Variants in TNNI3K observed in about 807,000 individuals in gnomAD.
TNNI3K encodes the protein TNNI3 interacting kinase.
TNNI3K carries 140 observed loss-of-function variants against 114.5 expected under a neutral mutation model. That is an observed-to-expected ratio of 1.22 (90% confidence interval 1.07 to 1.41). The LOEUF is 1.41. Ranked by LOEUF, TNNI3K falls within the 40% of genes most tolerant of loss-of-function variation. The pLI, the probability that TNNI3K is intolerant of heterozygous loss-of-function variation, is 0.00. For missense variants in TNNI3K, 1,125 were observed against 1,007.6 expected (o/e 1.12, Z -1.58); for synonymous variants, 347 against 347.5 (o/e 1.00, Z 0.02).
intron 20 of TNNI3K, among the ~76,000 whole-genome samples, chr1:74,460,255 G>GT (rs1667399542): frequency 6.6e-6 from 1 of 151,994 alleles, no homozygotes; most frequent in African/African-American, 2.4e-5. Flanking sequence ...TTTTAGTAGA[G>GT]ATGCGGTTTC....
At chr1:74,450,415 C>G (rs1666935464) in intron 20 of TNNI3K, among the ~76,000 whole-genome samples, 1 of 152,030 alleles carries the variant, frequency 6.6e-6, no homozygotes, top group Non-Finnish European at 1.5e-5. Context: ...CAGAGCAGAA[C>G]TAAACTAAAG....
chr1:74,352,966 C>T (rs183393011), intron 9 of TNNI3K, among the ~76,000 whole-genome samples: 104 of 152,262 alleles, frequency 6.8e-4, no homozygotes, highest in African/African-American at 1.8e-3. Context: ...GTGCGCTTCA[C>T]CCACTGTCCC....
At chr1:74,481,217 G>A (rs142513190) in intron 21 of TNNI3K, among the ~76,000 whole-genome samples, 6 of 152,274 alleles carry the variant, frequency 3.9e-5, no homozygotes, top group African/African-American at 1.4e-4. Flanking sequence ...AAACCCATCT[G>A]TTACTTTAGA....
At chr1:74,421,973 T>C (rs1218619554) in intron 17 of TNNI3K, among the ~76,000 whole-genome samples, 1 of 148,350 alleles carries the variant, frequency 6.7e-6, no homozygotes, top group East Asian at 2.0e-4. Context: ...TTATTATTAT[T>C]ATTATTATTA....
intron 21 of TNNI3K, among the ~76,000 whole-genome samples, chr1:74,465,263 T>C (rs1166840761): frequency 3.3e-5 from 5 of 152,132 alleles, no homozygotes; most frequent in African/African-American, 9.7e-5. Context: ...TCCCTCAGCT[T>C]GCGGGGAGGT....
At chr1:74,541,238 A>G (rs1214153751) in intron 24 of TNNI3K, among the ~76,000 whole-genome samples, 1 of 152,186 alleles carries the variant, frequency 6.6e-6, no homozygotes, top group Non-Finnish European at 1.5e-5. Flanking sequence ...ATCCTCACCA[A>G]TTCACCTCAT....
intron 23 of TNNI3K, among the ~76,000 whole-genome samples, chr1:74,530,460 A>T (rs1184606412): frequency 6.6e-6 from 1 of 152,204 alleles, no homozygotes. Flanking sequence ...TAAAGTATCG[A>T]GTAGAGTCCC....
intron 2 of TNNI3K, among the ~76,000 whole-genome samples, chr1:74,247,976 G>A (rs1262868995): frequency 6.6e-6 from 1 of 151,750 alleles, no homozygotes; most frequent in Non-Finnish European, 1.5e-5. Flanking sequence ...GGTGGCTCAG[G>A]TTGCCTGGGA....
intron 17 of TNNI3K, among the ~76,000 whole-genome samples, chr1:74,386,343 AT>A (rs1370365376): frequency 1.3e-5 from 2 of 152,178 alleles, no homozygotes; most frequent in Non-Finnish European, 2.9e-5. Flanking sequence ...AAAAAAAAAA[AT>A]ACCCTAAAAT....
chr1:74,390,507 T>C (rs1407070218), intron 17 of TNNI3K, among the ~76,000 whole-genome samples: 2 of 152,198 alleles, frequency 1.3e-5, no homozygotes, highest in Non-Finnish European at 2.9e-5. Flanking sequence ...CACAGTGCTT[T>C]GAGCAGTAGT....
chr1:74,256,283 C>CTTT (rs61636791), intron 4 of TNNI3K, among the ~76,000 whole-genome samples: 16 of 42,794 alleles, frequency 3.7e-4, no homozygotes, highest in African/African-American at 4.6e-4. Context: ...TGTGGTCAGT[C>CTTT]TTTTTTTTTT....
intron 9 of TNNI3K, among the ~76,000 whole-genome samples, chr1:74,349,574 G>T (rs1247725728): frequency 6.6e-6 from 1 of 152,168 alleles, no homozygotes; most frequent in African/African-American, 2.4e-5. Context: ...ACCTCTGGTA[G>T]AATTCGGCTG....
At position 74,340,482 on chromosome 1, in the gene TNNI3K, T is replaced by G. The variant is rs548989462; in HGVS notation, c.683-2360T>G. On this transcript the variant is annotated intron_variant, in intron 7 of 24. Transcript: ENST00000326637. Reference sequence around the variant, plus strand: ...ACAATGACTGAGGCAAAAACAGACATGTATACGCATAAATTCTATGTCTGA... The same window carrying G: ...ACAATGACTGAGGCAAAAACAGACAGGTATACGCATAAATTCTATGTCTGA... Among the ~76,000 whole-genome samples the G allele has an allele frequency of 2.0e-4, 31 of 152,228 alleles. No individual in the cohort carries two copies. The South Asian group carries it at 6.4e-3, about 32-fold the overall frequency.
intron 5 of TNNI3K, among the ~76,000 whole-genome samples, chr1:74,282,855 TCTGTAGGAG>T (rs958901829): frequency 6.6e-6 from 1 of 152,218 alleles, no homozygotes; most frequent in Non-Finnish European, 1.5e-5. Context: ...AAGTCCTGTT[TCTGTAGGAG>T]ACCACCAATA....
At position 74,353,254 on chromosome 1, in the gene TNNI3K, T is replaced by C. The variant is rs201780230; in HGVS notation, c.933-12T>C. 209 of 1,604,496 alleles carry C rather than the reference T, an allele frequency of 1.3e-4. No homozygotes were observed. Among genetic ancestry groups the C allele is most frequent in the Non-Finnish European group, 1.7e-4 (196 of 1,177,268 alleles). On this transcript the variant is annotated splice_polypyrimidine_tract_variant and intron_variant, in intron 9 of 24. Transcript: ENST00000326637. ...CCTTCTATCTTTCTTGTTTTATGGT[T>C]TTTTTTTTCAGTGCTTGTACCTATG...
Position 74,391,958 on chromosome 1 carries a change from T to TTA in TNNI3K, c.1772+21567_1772+21568insAT, listed in dbSNP as rs1491185623. On this transcript the variant is annotated intron_variant, in intron 17 of 24. Transcript: ENST00000326637. Reference sequence around the variant, plus strand: ...TGATTTAGGATGGTACAGCTTATTATTTTTTTTTTTTTTTTTTTTTTTTTT... The same window carrying TTA: ...TGATTTAGGATGGTACAGCTTATTATTATTTTTTTTTTTTTTTTTTTTTTTTT... Among the ~76,000 whole-genome samples the TTA allele has an allele frequency of 1.6e-3, 90 of 56,236 alleles. 4 individuals are homozygous for TTA. Among genetic ancestry groups the TTA allele is most frequent in the African/African-American group, 9.1e-3 (75 of 8,202 alleles). 36.9% of individuals were successfully genotyped at this position (56,236 alleles called of 152,430 possible).
intron 20 of TNNI3K, among the ~76,000 whole-genome samples, chr1:74,449,900 C>T (rs1413553191): frequency 1.3e-3 from 170 of 126,476 alleles, no homozygotes; most frequent in African/African-American, 5.0e-3. Flanking sequence ...CTGCACCAAG[C>T]GGACCTAATA....
intron 23 of TNNI3K, among the ~76,000 whole-genome samples, chr1:74,518,873 CCTTT>C (rs1160367432): frequency 0.039 from 3,919 of 100,252 alleles, 416 homozygotes; most frequent in African/African-American, 0.16. Flanking sequence ...TTTTTTTTCC[CCTTT>C]TTTTTTTTTT....
At chr1:74,295,222 A>T (rs1657912025) in intron 5 of TNNI3K, among the ~76,000 whole-genome samples, 1 of 152,070 alleles carries the variant, frequency 6.6e-6, no homozygotes, top group Admixed American at 6.6e-5. Flanking sequence ...ATGCTCAGAA[A>T]TTATAGTTTG....
Sources: allele counts gnomAD v4.1 joint callset (sites outside exome capture counted in the v4.1 genomes callset), GRCh38; gene constraint gnomAD v4.1.1; transcripts MANE v1.5; gene names NCBI Gene and HGNC (gene_info 2026-07-23, HGNC 2026-07-21).